NPHP1: variants seen among roughly 807,000 people sequenced by gnomAD.
NPHP1 encodes nephrocystin 1.
A neutral mutation model predicts 90.4 loss-of-function variants in NPHP1; 70 were observed. That is an observed-to-expected ratio of 0.77 (90% CI 0.64 to 0.95). NPHP1 has a LOEUF of 0.95. Among genes scored for constraint, NPHP1 ranks in the 40% least tolerant of loss-of-function variants. The pLI is 0.00. For missense variants in NPHP1, 764 were observed against 795.9 expected (o/e 0.96, Z 0.48); for synonymous variants, 256 against 271.7 (o/e 0.94, Z 0.57).
chr2:110,129,844 T>C (rs1477359224), intron 17 of NPHP1, among the ~76,000 whole-genome samples: 3 of 152,142 alleles, frequency 2.0e-5, no homozygotes, highest in African/African-American at 7.2e-5. Context: ...TAACAGCACA[T>C]GAAAAATCTG....
chr2:110,198,287 A>G (rs1262909083), intron 2 of NPHP1, among the ~76,000 whole-genome samples: 1 of 152,176 alleles, frequency 6.6e-6, no homozygotes, highest in Admixed American at 6.5e-5. Flanking sequence ...AGAGGGACAC[A>G]TTATGAAATT....
chr2:110,169,691 T>C (rs1682975176), intron 5 of NPHP1, 115 bp downstream of exon 5: 1 of 730,262 alleles, frequency 1.4e-6, no homozygotes, highest in Non-Finnish European at 2.4e-6. Context: ...TTTAAATAGA[T>C]TGTTATAAAA....
At position 110,163,116 on chromosome 2, in the gene NPHP1, ACAT is replaced by A. The variant is rs1450756448; in HGVS notation, c.788_790del (p.Asp263del). 6.2e-7 allele frequency: 1 copy of A among 1,612,456 alleles called. No homozygotes were observed. The highest frequency in any genetic ancestry group is 2.2e-5 in the East Asian group (1 of 44,890). On this transcript the variant is annotated inframe_deletion, in exon 9 of 20. Coordinates refer to ENST00000445609, the MANE Select transcript of NPHP1 (RefSeq NM_001128178.3). ...AGGAATAGCTCCCATCGTAGTTAACACATCAACAGTGTTTATCTGCTGAAGACA... is the reference window on the plus strand; with the variant it reads ...AGGAATAGCTCCCATCGTAGTTAACACAACAGTGTTTATCTGCTGAAGACA...
At chr2:110,156,901 C>A (rs1351459584) in intron 11 of NPHP1, among the ~76,000 whole-genome samples, 2 of 151,846 alleles carry the variant, frequency 1.3e-5, no homozygotes, top group Non-Finnish European at 2.9e-5. Context: ...CTCAGCCTCC[C>A]AAGTAGCTGG....
chr2:110,163,277 C>A, intron 8 of NPHP1, 142 bp from the exon 9 acceptor site: 2 of 685,608 alleles, frequency 2.9e-6, no homozygotes, highest in East Asian at 5.6e-5. Context: ...CGATTTGGCC[C>A]CAAATTCCTG....
chr2:110,201,623 G>T (rs1000285782), intron 1 of NPHP1, 129 bp from the exon 2 acceptor site: 15 of 685,572 alleles, frequency 2.2e-5, no homozygotes, highest in African/African-American at 2.0e-4. Flanking sequence ...AAATTTTACA[G>T]TGAAAACCCA....
chr2:110,179,511 AC>A, intron 3 of NPHP1, 112 bp downstream of exon 3: 1 of 630,204 alleles, frequency 1.6e-6, no homozygotes, highest in South Asian at 1.6e-5. Context: ...CTGCAGTTAG[AC>A]TATATCACTA....
chr2:110,202,502 G>C (rs1470124322), intron 1 of NPHP1: 2 of 446,612 alleles, frequency 4.5e-6, no homozygotes, highest in Non-Finnish European at 9.1e-6. Context: ...GGAAGAATTA[G>C]CTAATACTAT....
intron 2 of NPHP1, among the ~76,000 whole-genome samples, chr2:110,189,977 G>A (rs1241727213): frequency 6.7e-6 from 1 of 150,176 alleles, no homozygotes; most frequent in Non-Finnish European, 1.5e-5. Flanking sequence ...GTTCTCCAAG[G>A]CTCCACCAGA....
chr2:110,172,753 AGTCTGGGTAACGGAGACCCT>A (rs979662123), intron 4 of NPHP1, among the ~76,000 whole-genome samples: 11 of 152,230 alleles, frequency 7.2e-5, no homozygotes, highest in African/African-American at 2.6e-4. Context: ...CACTATACCC[AGTCTGGGTAACGGAGACCCT>A]GTCTCCAAAA....
intron 8 of NPHP1, 80 bp from the exon 9 acceptor site, chr2:110,163,215 A>G: frequency 9.6e-7 from 1 of 1,045,106 alleles, no homozygotes; most frequent in Non-Finnish European, 1.5e-6. Context: ...TAGAGTAACT[A>G]TAACCCAAAA....
chr2:110,123,759 C>A lies in NPHP1; in HGVS notation c.*32G>T. 5.0e-6 allele frequency: 8 copies of A among 1,610,434 alleles called. No individual in the cohort carries two copies. The highest frequency in any genetic ancestry group is 5.9e-6 in the Non-Finnish European group (7 of 1,177,494). ...TAATCGTGGAGGATCCATCTGATTC[C>A]GTGGGAAGCTGAGGGCTAGAGGCTG... is the stretch of plus-strand genomic sequence containing the variant. On this transcript the variant is annotated 3_prime_UTR_variant, in exon 20 of 20. Coordinates refer to ENST00000445609, the MANE Select transcript of NPHP1 (RefSeq NM_001128178.3).
chr2:110,135,045 AAC>A (rs2104448729), intron 16 of NPHP1, among the ~76,000 whole-genome samples: 1 of 152,240 alleles, frequency 6.6e-6, no homozygotes, highest in Admixed American at 6.5e-5. Context: ...ATATGTAGAA[AAC>A]CCTAAATACT....
intron 8 of NPHP1, 178 bp downstream of exon 8, chr2:110,164,506 ATGAG>A: frequency 1.6e-6 from 2 of 1,280,304 alleles, no homozygotes; most frequent in Non-Finnish European, 2.3e-6. Flanking sequence ...AAAAAAACTA[ATGAG>A]AAATGTTACT....
At chr2:110,124,256 T>A in intron 19 of NPHP1, 193 bp from the exon 20 acceptor site, 1 of 667,788 alleles carries the variant, frequency 1.5e-6, no homozygotes, top group African/African-American at 1.8e-5. Context: ...TTACACAGAG[T>A]ACAGTGGAGC....
chr2:110,201,759 T>C (rs1380216370), intron 1 of NPHP1, among the ~76,000 whole-genome samples: 2 of 152,310 alleles, frequency 1.3e-5, no homozygotes, highest in Middle Eastern at 3.4e-3. Context: ...TAATGGACTA[T>C]GGATGTCACT....
intron 2 of NPHP1, among the ~76,000 whole-genome samples, chr2:110,193,295 T>C (rs1300455738): frequency 6.6e-6 from 1 of 151,676 alleles, no homozygotes; most frequent in Non-Finnish European, 1.5e-5. Flanking sequence ...AGGCTCAAAA[T>C]AAAGGGATGG....
At chr2:110,187,670 T>C (rs1684391310) in intron 2 of NPHP1, among the ~76,000 whole-genome samples, 8 of 152,070 alleles carry the variant, frequency 5.3e-5, no homozygotes, top group Admixed American at 2.6e-4. Context: ...ACTGATTGTA[T>C]CCAGCATCCT....
In NPHP1 at chr2:110,147,925, A is replaced by G; in HGVS notation, c.1260T>C (p.Tyr420=). The part of the protein sequence containing the change: ...LGILFELGIS[Y]IRNSTGERGE... ...CTTTCAACGGACATACATTGCGAATATAAGAAATTCCAAGTTCAAATAATA... is the reference window on the plus strand; with the variant it reads ...CTTTCAACGGACATACATTGCGAATGTAAGAAATTCCAAGTTCAAATAATA... Residue 420 remains tyrosine (Y), a synonymous_variant, in exon 13 of 20, where the codon TAT becomes TAC. Coordinates refer to ENST00000445609, the MANE Select transcript of NPHP1 (RefSeq NM_001128178.3). The G allele has an allele frequency of 6.4e-7, 1 of 1,565,598 alleles. No individual in the cohort carries two copies. The highest frequency in any genetic ancestry group is 8.8e-7 in the Non-Finnish European group (1 of 1,135,600).
Sources: gnomAD v4.1 joint callset for allele counts (sites outside exome capture counted in the v4.1 genomes callset) on GRCh38, gnomAD v4.1.1 for gene constraint, MANE v1.5 for transcripts, NCBI Gene and HGNC (gene_info 2026-07-23, HGNC 2026-07-21) for gene names.